TASP1: variants seen among roughly 807,000 people sequenced by gnomAD.
TASP1 encodes threonine aspartase 1.
TASP1 carries 16 observed loss-of-function variants against 56.6 expected under a neutral mutation model. That is an observed-to-expected ratio of 0.28 (90% confidence interval 0.19 to 0.43). TASP1 has a LOEUF of 0.43. TASP1 is among the 20% of genes least tolerant of loss of function. The pLI is 1.00. For synonymous variants in TASP1, 179 were observed against 184.2 expected, an observed-to-expected ratio of 0.97 and a Z score of 0.23; for missense variants, 393 against 511.6, an observed-to-expected ratio of 0.77 and a Z score of 2.24.
intron 1 of TASP1, among the ~76,000 whole-genome samples, chr20:13,632,234 C>G (rs1177186551): frequency 6.6e-6 from 1 of 151,232 alleles, no homozygotes. Context: ...GTGGCGCGTT[C>G]CTGTAATCCC....
the TASP1 span, among the ~76,000 whole-genome samples, chr20:13,338,887 A>G: frequency 6.6e-6 from 1 of 152,112 alleles, no homozygotes; most frequent in Non-Finnish European, 1.5e-5. Context: ...ACTCCTCACC[A>G]TCACCACCAT....
the TASP1 span, among the ~76,000 whole-genome samples, chr20:13,185,852 G>C: frequency 6.6e-6 from 1 of 152,144 alleles, no homozygotes. Context: ...CACATGTAAT[G>C]AGCTTGGAAG....
In TASP1 at chr20:13,587,377, G is replaced by A. The variant is rs756147847; in HGVS notation, c.283-7C>T. 2 of 1,583,306 alleles carry A rather than the reference G, an allele frequency of 1.3e-6. No individual in the cohort carries two copies. The highest frequency in any genetic ancestry group is 1.9e-5 in the Admixed American group (1 of 52,348). ...CATTTGTAAAAGGAGAATCCTAAAA[G>A]ACAAAAACAAAAATTAAAATATCAT... On this transcript the variant is annotated splice_region_variant and splice_polypyrimidine_tract_variant and intron_variant, in intron 4 of 13. Coordinates refer to ENST00000337743, the MANE Select transcript of TASP1 (RefSeq NM_017714.3).
At chr20:13,167,686 AT>A in the TASP1 span, 4 of 152,268 alleles carry the variant, frequency 2.6e-5, no homozygotes, top group South Asian at 8.3e-4. Context: ...GTTTAACCAT[AT>A]TGCCTTTCAG....
At chr20:13,568,298 C>T (rs902100547) in intron 7 of TASP1, among the ~76,000 whole-genome samples, 2 of 152,076 alleles carry the variant, frequency 1.3e-5, no homozygotes, top group Admixed American at 1.3e-4. Flanking sequence ...CAGGAGTGCA[C>T]GACCACACCT....
intron 8 of TASP1, among the ~76,000 whole-genome samples, chr20:13,543,963 T>C (rs1206285788): frequency 6.6e-6 from 1 of 152,290 alleles, no homozygotes; most frequent in South Asian, 2.1e-4. Context: ...CTTAAATGAG[T>C]TTGTTCCCAA....
chr20:13,257,473 G>A, the TASP1 span, among the ~76,000 whole-genome samples: 16 of 152,212 alleles, frequency 1.1e-4, no homozygotes, highest in African/African-American at 3.9e-4. Flanking sequence ...CTGGTTCTCT[G>A]CGTCTTCCTC....
chr20:13,164,698 A>G, the TASP1 span: 1 of 1,370,690 alleles, frequency 7.3e-7, no homozygotes, highest in Non-Finnish European at 1.0e-6. Flanking sequence ...TGGGCTCTGC[A>G]AAGCAGGGCT....
the TASP1 span, among the ~76,000 whole-genome samples, chr20:13,320,187 G>A: frequency 6.6e-6 from 1 of 152,224 alleles, no homozygotes; most frequent in African/African-American, 2.4e-5. Flanking sequence ...TCCTGGAAGA[G>A]CACAGGATGT....
intron 10 of TASP1, among the ~76,000 whole-genome samples, chr20:13,520,502 G>T (rs1288026473): frequency 6.6e-6 from 1 of 152,078 alleles, no homozygotes; most frequent in Non-Finnish European, 1.5e-5. Flanking sequence ...TGACAAACCT[G>T]ACAAAAACAA....
At chr20:13,255,700 G>A in the TASP1 span, among the ~76,000 whole-genome samples, 1 of 152,162 alleles carries the variant, frequency 6.6e-6, no homozygotes, top group Admixed American at 6.5e-5. Context: ...CCTCTGGGAA[G>A]ACAATATCAC....
chr20:13,539,785 T>C (rs575401806), intron 8 of TASP1, among the ~76,000 whole-genome samples: 3 of 152,300 alleles, frequency 2.0e-5, no homozygotes, highest in Non-Finnish European at 4.4e-5. Flanking sequence ...ACTGGTAGAA[T>C]TCCTATACAA....
At chr20:13,226,493 C>A in the TASP1 span, among the ~76,000 whole-genome samples, 1 of 152,078 alleles carries the variant, frequency 6.6e-6, no homozygotes, top group East Asian at 1.9e-4. Flanking sequence ...AGTGGCTTAA[C>A]ACAACCACCA....
the TASP1 span, among the ~76,000 whole-genome samples, chr20:13,223,097 T>C: frequency 3.3e-5 from 5 of 150,884 alleles, no homozygotes; most frequent in African/African-American, 4.9e-5. Flanking sequence ...CGGGAGGTTG[T>C]AGTGAGCTGA....
the TASP1 span, among the ~76,000 whole-genome samples, chr20:13,336,397 A>T: frequency 9.3e-3 from 1,418 of 152,022 alleles, 14 homozygotes; most frequent in African/African-American, 0.032. Flanking sequence ...TCTCCCAGGG[A>T]TGGGTTCTTG....
intron 13 of TASP1, among the ~76,000 whole-genome samples, chr20:13,398,945 A>G (rs1027886390): frequency 6.6e-6 from 1 of 152,160 alleles, no homozygotes; most frequent in African/African-American, 2.4e-5. Context: ...TAAGCCCTCT[A>G]TAATCAGCTT....
the TASP1 span, among the ~76,000 whole-genome samples, chr20:13,289,818 A>G: frequency 6.6e-6 from 1 of 152,230 alleles, no homozygotes; most frequent in Non-Finnish European, 1.5e-5. Flanking sequence ...ATTGCCAGGT[A>G]GAATACCAGC....
chr20:13,627,596 C>T (rs995021005), intron 2 of TASP1, among the ~76,000 whole-genome samples: 1 of 151,920 alleles, frequency 6.6e-6, no homozygotes, highest in Admixed American at 6.6e-5. Context: ...ACTAAACATA[C>T]AAAAATTAGC....
intron 10 of TASP1, among the ~76,000 whole-genome samples, chr20:13,521,834 T>A (rs2044772269): frequency 6.6e-6 from 1 of 151,928 alleles, no homozygotes; most frequent in African/African-American, 2.4e-5. Context: ...GAAAATTGTG[T>A]AAAGATATAA....
Sources: allele counts gnomAD v4.1 joint callset (sites outside exome capture counted in the v4.1 genomes callset), GRCh38; gene constraint gnomAD v4.1.1; transcripts MANE v1.5; gene names NCBI Gene and HGNC (gene_info 2026-07-23, HGNC 2026-07-21).